The following TRIP4 variants were observed in gnomAD, a reference collection of about 807,000 sequenced individuals.
TRIP4 encodes thyroid hormone receptor interactor 4, also known as activating signal cointegrator 1.
A neutral mutation model predicts 81.8 loss-of-function variants in TRIP4; 54 were observed. The ratio of observed to expected loss-of-function variants is 0.66; its 90% CI spans 0.53 to 0.83. The LOEUF (loss-of-function observed/expected upper bound fraction) is 0.83, where lower values mean the gene tolerates loss of function less well. TRIP4 is among the 40% of genes least tolerant of loss of function. The pLI is 0.00. For missense variants in TRIP4, 662 were observed against 683.6 expected, an observed-to-expected ratio of 0.97 and a Z score of 0.35; for synonymous variants, 270 against 242.8, an observed-to-expected ratio of 1.11 and a Z score of -1.04.
intron 5 of TRIP4, 62 bp downstream of exon 5, chr15:64,400,883 G>C: frequency 7.2e-7 from 1 of 1,384,970 alleles, no homozygotes; most frequent in Non-Finnish European, 1.0e-6. Context: ...GTCTGTGGTT[G>C]TTTCTCTTTT....
In TRIP4 at chr15:64,444,989, A is replaced by G. The variant is rs747364832; in HGVS notation, c.1576-17A>G. ...TTGTCCCAACTATCCTGAACTTTTT[A>G]TTTTTATATTTCACAGTTTCCAGAC... On this transcript the variant is annotated splice_polypyrimidine_tract_variant and intron_variant, in intron 11 of 12. Transcript: ENST00000261884. The G allele has an allele frequency of 7.2e-7, 1 of 1,394,836 alleles. No individual in the cohort carries two copies. The highest frequency in any genetic ancestry group is 1.4e-5 in the African/African-American group (1 of 69,204). 86.4% of individuals were successfully genotyped at this position (1,394,836 alleles called of 1,614,324 possible). A position where few individuals can be genotyped will look rare whatever the true frequency, so the allele number is the denominator to read the frequency against.
intron 1 of TRIP4, among the ~76,000 whole-genome samples, chr15:64,388,951 G>T (rs1299764109): frequency 6.6e-6 from 1 of 152,166 alleles, no homozygotes; most frequent in African/African-American, 2.4e-5. Context: ...TTACACGCCA[G>T]GTGCTGGGGT....
chr15:64,450,206 G>A (rs573071871), intron 12 of TRIP4, among the ~76,000 whole-genome samples: 8 of 151,980 alleles, frequency 5.3e-5, no homozygotes, highest in South Asian at 2.1e-4. Context: ...TCGCTAACAC[G>A]GTGAAACCCC....
chr15:64,411,989 G>C (rs1379197541), intron 7 of TRIP4, among the ~76,000 whole-genome samples: 2 of 152,024 alleles, frequency 1.3e-5, no homozygotes, highest in Non-Finnish European at 2.9e-5. Context: ...ACTAAATTGT[G>C]CATACTTTTG....
intron 5 of TRIP4, among the ~76,000 whole-genome samples, chr15:64,404,648 T>G (rs969619890): frequency 6.6e-6 from 1 of 152,190 alleles, no homozygotes; most frequent in Non-Finnish European, 1.5e-5. Context: ...CATGCCTCTA[T>G]GTTTTTTTCA....
intron 11 of TRIP4, among the ~76,000 whole-genome samples, chr15:64,443,396 A>G (rs192017523): frequency 9.8e-4 from 150 of 152,342 alleles, no homozygotes; most frequent in Admixed American, 2.9e-3. Flanking sequence ...CTTTGCCTCA[A>G]TGGTCTCTAA....
chr15:64,450,393 GA>G (rs1005400086), intron 12 of TRIP4, among the ~76,000 whole-genome samples: 532 of 46,946 alleles, frequency 0.011, 2 homozygotes, highest in Middle Eastern at 0.088. Context: ...CGTCTCAAAA[GA>G]AAAAAAAAAA....
chr15:64,396,104 T>C (rs1489198662), intron 3 of TRIP4, among the ~76,000 whole-genome samples: 1 of 151,890 alleles, frequency 6.6e-6, no homozygotes. Flanking sequence ...AGATGGGGTT[T>C]CACCGAGTTG....
chr15:64,414,923 G>A (rs573865945), intron 8 of TRIP4, among the ~76,000 whole-genome samples: 17 of 151,914 alleles, frequency 1.1e-4, no homozygotes, highest in African/African-American at 3.9e-4. Flanking sequence ...GCAAAACCCC[G>A]TCTCTACTAA....
intron 12 of TRIP4, among the ~76,000 whole-genome samples, chr15:64,452,865 G>T (rs538183301): frequency 6.6e-6 from 1 of 152,278 alleles, no homozygotes; most frequent in South Asian, 2.1e-4. Flanking sequence ...AGGTTATACA[G>T]CTAGGAAGTC....
chr15:64,431,567 G>A (rs545562616), intron 11 of TRIP4, among the ~76,000 whole-genome samples: 9 of 151,914 alleles, frequency 5.9e-5, no homozygotes, highest in South Asian at 4.2e-4. Flanking sequence ...TTAGCTGGGT[G>A]TGGTAGTGGG....
chr15:64,447,558 A>G (rs1892661328), intron 12 of TRIP4, among the ~76,000 whole-genome samples: 1 of 152,228 alleles, frequency 6.6e-6, no homozygotes, highest in Admixed American at 6.5e-5. Flanking sequence ...TTACTGCAAA[A>G]TTCAGGCAAC....
chr15:64,440,899 A>C (rs779962177), intron 11 of TRIP4, among the ~76,000 whole-genome samples: 27 of 152,196 alleles, frequency 1.8e-4, no homozygotes, highest in Non-Finnish European at 3.5e-4. Flanking sequence ...ATCTACTTTT[A>C]CTTAGAGTTA....
chr15:64,393,126 G>T (rs1442979012), intron 1 of TRIP4, among the ~76,000 whole-genome samples: 1 of 150,544 alleles, frequency 6.6e-6, no homozygotes, highest in African/African-American at 2.4e-5. Context: ...CAGTTTCTGT[G>T]CTGTTTTCAG....
chr15:64,425,672 G>C (rs778134497), intron 11 of TRIP4, 41 bp downstream of exon 11: 3 of 1,527,580 alleles, frequency 2.0e-6, no homozygotes, highest in African/African-American at 1.4e-5. Context: ...ACAGGGTTTC[G>C]CCATGTTGGC....
chr15:64,431,847 A>ATATAT, intron 11 of TRIP4, among the ~76,000 whole-genome samples: 6 of 119,560 alleles, frequency 5.0e-5, no homozygotes, highest in East Asian at 2.2e-4. Flanking sequence ...ATATATATAT[A>ATATAT]TTTTTTTTAT....
rs912804281 is a variant in TRIP4, at chr15:64,445,723, A to C, written c.1678+615A>C. On this transcript the variant is annotated intron_variant, in intron 12 of 12. Coordinates refer to ENST00000261884, the MANE Select transcript of TRIP4 (RefSeq NM_016213.5). ...GTGTTCTGTGTGTCCCTAGTGTTGG[A>C]GGCTTAATATAATTATACTTATCAA... Among the ~76,000 whole-genome samples the C allele has an allele frequency of 8.6e-5, 13 of 150,876 alleles. No individual in the cohort carries two copies. The South Asian group carries it at 2.7e-3, about 32-fold the overall frequency.
At chr15:64,453,589 C>T (rs960307862) in intron 12 of TRIP4, among the ~76,000 whole-genome samples, 1 of 152,086 alleles carries the variant, frequency 6.6e-6, no homozygotes, top group Admixed American at 6.6e-5. Flanking sequence ...CTGGGAATGC[C>T]CTATGCTCTA....
At chr15:64,395,259 A>G in intron 2 of TRIP4, 139 bp from the exon 3 acceptor site, 1 of 698,996 alleles carries the variant, frequency 1.4e-6, no homozygotes, top group Non-Finnish European at 2.1e-6. Context: ...TTTGACAGGA[A>G]AAGATAATTA....
Sources: gnomAD v4.1 joint callset for allele counts (sites outside exome capture counted in the v4.1 genomes callset) on GRCh38, gnomAD v4.1.1 for gene constraint, MANE v1.5 for transcripts, NCBI Gene and HGNC (gene_info 2026-07-23, HGNC 2026-07-21) for gene names.